SDK2: variants seen among roughly 807,000 people sequenced by gnomAD.
SDK2 encodes the protein sidekick cell adhesion molecule 2.
A neutral mutation model predicts 253.9 loss-of-function variants in SDK2; 105 were observed. The ratio of observed to expected loss-of-function variants is 0.41; its 90% CI spans 0.35 to 0.49. The LOEUF (loss-of-function observed/expected upper bound fraction) is 0.49, where lower values mean the gene tolerates loss of function less well. Among genes scored for constraint, SDK2 ranks in the 20% least tolerant of loss-of-function variants. The pLI, the probability that SDK2 is intolerant of heterozygous loss-of-function variation, is 0.06. For missense variants in SDK2, 2,608 were observed against 3,003.0 expected (o/e 0.87, Z 3.07); for synonymous variants, 1,249 against 1,234.9 (o/e 1.01, Z -0.24).
chr17:73,434,708 T>C (rs905544827), intron 9 of SDK2, among the ~76,000 whole-genome samples: 16 of 152,232 alleles, frequency 1.1e-4, no homozygotes, highest in African/African-American at 3.1e-4. Flanking sequence ...TGGCGCCATC[T>C]TGGCCTCTGC....
chr17:73,470,800 G>A (rs1455479206), intron 3 of SDK2, among the ~76,000 whole-genome samples: 2 of 152,336 alleles, frequency 1.3e-5, no homozygotes, highest in East Asian at 3.9e-4. Context: ...ATATGAGAGG[G>A]TGCCTTAACA....
rs181227167 is a variant in SDK2 at position 73,471,139 on chromosome 17, T to C, written c.331+973A>G. On this transcript the variant is annotated intron_variant, in intron 3 of 44. Transcript: ENST00000392650. ...AAAGGCTTGGTGAGGGCCTCCCACT[T>C]CACTCTCTGCCCCCCAGCCTTTCTG... 1.8e-4 allele frequency among the ~76,000 whole-genome samples: 27 copies of C among 152,234 alleles called. No homozygotes were observed. The East Asian group carries it at 4.8e-3, about 27-fold the overall frequency.
rs369927886 is a variant in SDK2 at position 73,632,872 on chromosome 17, C to T, written c.64+11153G>A. The stretch of plus-strand genomic sequence containing the variant: ...TGTATGTTCTAGGGGGTCCAGGAAG[C>T]CATGGGGACGACAAGCCACATCTTC... On this transcript the variant is annotated intron_variant, in intron 1 of 44. Coordinates refer to ENST00000392650, the MANE Select transcript of SDK2 (RefSeq NM_001144952.2). 2.5e-4 allele frequency among the ~76,000 whole-genome samples: 38 copies of T among 152,272 alleles called. No homozygotes were observed. In the East Asian group the frequency reaches 7.3e-3, roughly 29 times the overall value.
At chr17:73,607,556 T>C (rs2045923170) in intron 1 of SDK2, among the ~76,000 whole-genome samples, 1 of 151,598 alleles carries the variant, frequency 6.6e-6, no homozygotes, top group Non-Finnish European at 1.5e-5. Context: ...GTGTCAGGAG[T>C]AGGCTACGGT....
intron 10 of SDK2, among the ~76,000 whole-genome samples, chr17:73,432,713 A>T (rs538586729): frequency 6.7e-6 from 1 of 149,918 alleles, no homozygotes; most frequent in Non-Finnish European, 1.5e-5. Context: ...GAGTCCTTGG[A>T]GGAGGCACCT....
rs866006487 is a variant in SDK2 at position 73,386,520 on chromosome 17, G to A, written c.4423C>T (p.Arg1475Ter). The A allele has an allele frequency of 1.3e-6, 2 of 1,558,768 alleles. No homozygotes were observed. Among genetic ancestry groups the A allele is most frequent in the Non-Finnish European group, 1.7e-6 (2 of 1,151,044 alleles). ...CCAATGTCATTGGTCGCCTTCACTC[G>A]GAACTTGTAGGACGTGAAGGGCTTC... Reference protein sequence around the residue: ...RLKPFTSYKFRVKATNDIGDS... With the variant: ...RLKPFTSYKF The change falls in exon 31 of 45, where the codon CGA becomes TGA. Residue 1475 changes from arginine to a stop codon, truncating the protein, a stop_gained. Coordinates refer to ENST00000392650, the MANE Select transcript of SDK2 (RefSeq NM_001144952.2). LOFTEE classifies it high-confidence loss of function.
At chr17:73,439,879 T>G (rs1026398336) in intron 6 of SDK2, among the ~76,000 whole-genome samples, 1 of 152,202 alleles carries the variant, frequency 6.6e-6, no homozygotes, top group Admixed American at 6.5e-5. Flanking sequence ...ACTTGCCCTC[T>G]CTGGGTTCTG....
At chr17:73,603,964 G>C (rs1043383360) in intron 1 of SDK2, among the ~76,000 whole-genome samples, 9 of 152,258 alleles carry the variant, frequency 5.9e-5, no homozygotes, top group African/African-American at 2.2e-4. Context: ...GATGGGGAGA[G>C]AGGGGGAAGC....
In SDK2 at chr17:73,422,448, G is replaced by T; in HGVS notation, c.1898-14C>A. The T allele has an allele frequency of 6.2e-7, 1 of 1,613,184 alleles. No individual in the cohort carries two copies. Among genetic ancestry groups the T allele is most frequent in the South Asian group, 1.1e-5 (1 of 91,052 alleles). ...TCCAGGGGGCATCTGCAGGGACAGT[G>T]AGTGGGGCAGAAGTGGGTATCTTGG... On this transcript the variant is annotated splice_polypyrimidine_tract_variant and intron_variant, in intron 14 of 44. Transcript: ENST00000392650.
chr17:73,527,366 G>T (rs527966583), intron 1 of SDK2, among the ~76,000 whole-genome samples: 3 of 152,316 alleles, frequency 2.0e-5, no homozygotes, highest in East Asian at 3.9e-4. Flanking sequence ...AATGCATAAT[G>T]CAAAGGAGAA....
intron 1 of SDK2, among the ~76,000 whole-genome samples, chr17:73,597,199 C>A (rs2045771869): frequency 1.3e-5 from 2 of 152,166 alleles, no homozygotes; most frequent in South Asian, 2.1e-4. Context: ...CTCACCGGGG[C>A]CTTGAAGGGT....
At chr17:73,461,195 C>T (rs1033768934) in intron 3 of SDK2, among the ~76,000 whole-genome samples, 1 of 152,254 alleles carries the variant, frequency 6.6e-6, no homozygotes, top group South Asian at 2.1e-4. Context: ...GGGCCTGTGC[C>T]CTGCACACAG....
At chr17:73,557,275 A>G (rs2045157590) in intron 1 of SDK2, among the ~76,000 whole-genome samples, 3 of 151,886 alleles carry the variant, frequency 2.0e-5, no homozygotes, top group Non-Finnish European at 4.4e-5. Flanking sequence ...GGCTTACCTC[A>G]AAGGCTTTGC....
rs868355060 is a variant in SDK2, at chr17:73,574,871, C to T, written c.65-67274G>A. Among the ~76,000 whole-genome samples, 11 of 152,280 alleles carry T rather than the reference C, an allele frequency of 7.2e-5. 1 individual carries two copies. The highest frequency in any genetic ancestry group is 6.8e-3 in the Middle Eastern group (2 of 294). On this transcript the variant is annotated intron_variant, in intron 1 of 44. Coordinates refer to ENST00000392650, the MANE Select transcript of SDK2 (RefSeq NM_001144952.2). ...AGTCTCTGGTGGAAACCCAGTGGAA[C>T]ACCCTAGAGGGTGCTGGGTTTGGAG... is the stretch of plus-strand genomic sequence containing the variant.
At chr17:73,360,445 A>T (rs1051893783) in intron 39 of SDK2, among the ~76,000 whole-genome samples, 1 of 151,966 alleles carries the variant, frequency 6.6e-6, no homozygotes, top group African/African-American at 2.4e-5. Flanking sequence ...TGGGCAGAGG[A>T]GGAGATGGGA....
intron 2 of SDK2, among the ~76,000 whole-genome samples, chr17:73,500,542 CAGTTCTCCTT>C (rs2063882090): frequency 6.7e-6 from 1 of 149,376 alleles, no homozygotes; most frequent in Non-Finnish European, 1.5e-5. Context: ...CATCCCCCCT[CAGTTCTCCTT>C]CATCCTTCTC....
chr17:73,427,025 C>A (rs1370263849), intron 12 of SDK2, among the ~76,000 whole-genome samples: 1 of 152,044 alleles, frequency 6.6e-6, no homozygotes, highest in Admixed American at 6.6e-5. Context: ...GCAGAGCTTG[C>A]AGTGTGCCGA....
intron 44 of SDK2, among the ~76,000 whole-genome samples, chr17:73,341,134 C>T (rs1440535884): frequency 3.3e-5 from 5 of 150,964 alleles, no homozygotes; most frequent in Non-Finnish European, 5.9e-5. Context: ...GCTCCTGCCT[C>T]GGCCTCCCAG....
intron 2 of SDK2, among the ~76,000 whole-genome samples, chr17:73,476,581 G>A (rs1187178900): frequency 6.6e-6 from 1 of 152,144 alleles, no homozygotes; most frequent in Non-Finnish European, 1.5e-5. Context: ...GTGAGGCGTG[G>A]TGAAATTTAA....
Sources: allele counts gnomAD v4.1 joint callset (sites outside exome capture counted in the v4.1 genomes callset), GRCh38; gene constraint gnomAD v4.1.1; transcripts MANE v1.5; gene names NCBI Gene and HGNC (gene_info 2026-07-23, HGNC 2026-07-21).